KDM8: variants seen among roughly 807,000 people sequenced by gnomAD.
KDM8 encodes lysine demethylase 8, also known as bifunctional peptidase and arginyl-hydroxylase JMJD5.
Under a neutral mutation model 46.9 loss-of-function variants are expected in KDM8, and 35 were observed. The observed-to-expected ratio is 0.75, with a 90% CI of 0.57 to 0.99. KDM8 has a LOEUF of 0.99. KDM8 is among the 50% of genes least tolerant of loss of function. The pLI is 0.00. For missense variants in KDM8, 475 were observed against 537.0 expected, an observed-to-expected ratio of 0.88 and a Z score of 1.14; for synonymous variants, 232 against 227.7, an observed-to-expected ratio of 1.02 and a Z score of -0.17.
At chr16:27,215,133 G>A (rs977428704) in intron 4 of KDM8, 125 bp downstream of exon 4, 10 of 1,144,004 alleles carry the variant, frequency 8.7e-6, no homozygotes, top group Admixed American at 5.8e-5. Context: ...GTCTGTGGTC[G>A]GAGGGACGAC....
In KDM8 at chr16:27,218,983, T is replaced by A; in HGVS notation, c.866T>A (p.Ile289Asn). 2 of 1,614,052 alleles carry A rather than the reference T, an allele frequency of 1.2e-6. No homozygotes were observed. Among genetic ancestry groups the A allele is most frequent in the Non-Finnish European group, 1.7e-6 (2 of 1,179,998 alleles). The change falls in exon 6 of 8, where the codon ATC becomes AAC. Residue 289 changes from isoleucine (I) to asparagine (N), a missense_variant. By Grantham distance (149) the Ile-to-Asn change is moderately radical. Transcript: ENST00000286096. ...FDQIPELKQD[I>N]SIPDYCSLGD... ...CAGATCCCGGAGTTGAAGCAGGACATCAGCATCCCCGACTACTGCAGCCTG... is the reference window on the plus strand; with the variant it reads ...CAGATCCCGGAGTTGAAGCAGGACAACAGCATCCCCGACTACTGCAGCCTG...
Position 27,210,362 on chromosome 16 carries a change from A to T in KDM8, c.239A>T (p.Asn80Ile), listed in dbSNP as rs763315351. The T allele has an allele frequency of 6.2e-7, 1 of 1,613,402 alleles. No homozygotes were observed. Among genetic ancestry groups the T allele is most frequent in the Non-Finnish European group, 8.5e-7 (1 of 1,180,038 alleles). ...CTGGACTACTCCTGGGAGAAGCTCAACACGGGCACATGGCAGGACGTAGAC... is the reference window on the plus strand; with the variant it reads ...CTGGACTACTCCTGGGAGAAGCTCATCACGGGCACATGGCAGGACGTAGAC... ...VILDYSWEKL[N>I]TGTWQDVDKD... The change falls in exon 2 of 8, where the codon AAC becomes ATC. Residue 80 changes from asparagine to isoleucine, a missense_variant. Physicochemically the swap from Asn to Ile is moderately radical, Grantham distance 149. Transcript: ENST00000286096.
At chr16:27,216,232 G>A (rs2083550849) in intron 5 of KDM8, 10 of 568,858 alleles carry the variant, frequency 1.8e-5, no homozygotes, top group Admixed American at 8.9e-5. Context: ...AGCAGCTGTC[G>A]GAGCGGGTGG....
chr16:27,204,000 C>G (rs568497272), intron 1 of KDM8: 7 of 1,069,526 alleles, frequency 6.5e-6, no homozygotes, highest in Non-Finnish European at 9.5e-6. Flanking sequence ...GTTTTATACT[C>G]TGCTATATGT....
intron 1 of KDM8, among the ~76,000 whole-genome samples, chr16:27,207,229 G>A (rs750971979): frequency 1.4e-4 from 21 of 152,194 alleles, no homozygotes; most frequent in Non-Finnish European, 2.5e-4. Flanking sequence ...CCAACATGGC[G>A]AAACCCCGTC....
rs2083611535 is a variant in KDM8, at chr16:27,220,654, T to C, written c.1175T>C (p.Leu392Pro). ...TGCATCCTGTCTCCTGGAGAGATCC[T>C]GTTCATCCCGGTGAAATACTGGCAT... ...LSCILSPGEI[L>P]FIPVKYWHYV... Residue 392 changes from leucine to proline, a missense_variant, in exon 8 of 8, where the codon CTG (leucine) becomes CCG (proline). Coordinates refer to ENST00000286096, the MANE Select transcript of KDM8 (RefSeq NM_024773.3). 1 of 1,614,194 alleles carries C rather than the reference T, an allele frequency of 6.2e-7. No homozygotes were observed. The highest frequency in any genetic ancestry group is 8.5e-7 in the Non-Finnish European group (1 of 1,180,026).
chr16:27,204,500 A>G (rs1225244927), intron 1 of KDM8: 7 of 384,226 alleles, frequency 1.8e-5, no homozygotes, highest in Middle Eastern at 7.7e-4. Context: ...GAATACTGCC[A>G]TAATAACATT....
intron 2 of KDM8, 109 bp downstream of exon 2, chr16:27,210,730 C>T (rs1272412518): frequency 5.5e-6 from 6 of 1,092,794 alleles, no homozygotes; most frequent in Non-Finnish European, 7.6e-6. Flanking sequence ...CCTGCAACCC[C>T]TCTGGTGGAA....
intron 2 of KDM8, chr16:27,213,314 A>G (rs1596648653): frequency 2.8e-6 from 1 of 358,282 alleles, no homozygotes; most frequent in East Asian, 5.9e-5. Context: ...GAAGTTGGAG[A>G]TAGTAAGTTT....
chr16:27,212,182 A>G (rs2083491508), intron 2 of KDM8, among the ~76,000 whole-genome samples: 1 of 152,214 alleles, frequency 6.6e-6, no homozygotes, highest in Non-Finnish European at 1.5e-5. Context: ...ACAAGAAGGA[A>G]ATAGATCTGT....
rs1486045427 is a variant in KDM8 at position 27,210,435 on chromosome 16, G to A, written c.312G>A (p.Leu104=). ...VYAIGCLLKA[L]CLCQAPEDAN... ...CCATCGGCTGCCTCCTGAAAGCCCT[G>A]TGTCTGTGCCAGGCACCTGAGGATG... Residue 104 remains leucine (L), a synonymous_variant, in exon 2 of 8, where the codon CTG becomes CTA. Coordinates refer to ENST00000286096, the MANE Select transcript of KDM8 (RefSeq NM_024773.3). 1.9e-6 allele frequency: 3 copies of A among 1,603,892 alleles called. No individual in the cohort carries two copies. In the Admixed American group the frequency reaches 5.0e-5, roughly 27 times the overall value.
rs1465585710 is a variant in KDM8 at position 27,210,136 on chromosome 16, AC to A, written c.16del (p.His6ThrfsTer28). On this transcript the variant is annotated frameshift_variant, in exon 2 of 8. Transcript: ENST00000286096. LOFTEE classifies it high-confidence loss of function. ...TGGTGGTGGCCCGATGGCTGGAGAC[AC>A]CCACTGCCCCGCAGAGCCCCTGGCC... is the stretch of plus-strand genomic sequence containing the variant. MAGD[T>X]HCPAEPLARE... 1 of 1,612,386 alleles carries A rather than the reference AC, an allele frequency of 6.2e-7. No individual in the cohort carries two copies. The highest frequency in any genetic ancestry group is 1.1e-5 in the South Asian group (1 of 91,038).
At chr16:27,204,075 C>T in intron 1 of KDM8, 2 of 1,546,870 alleles carry the variant, frequency 1.3e-6, no homozygotes, top group Non-Finnish European at 1.7e-6. Context: ...GAAACGATTC[C>T]GCCGTCAGGT....
Position 27,221,697 on chromosome 16 carries a change from G to A in KDM8, c.*967G>A, listed in dbSNP as rs9788909. On this transcript the variant is annotated 3_prime_UTR_variant, in exon 8 of 8. Transcript: ENST00000286096. ...TGCACGCAGGTTTGTTTTATGTTTT[G>A]GCCATTAAGATTTTCCCCAGCCCTC... is the stretch of plus-strand genomic sequence containing the variant. The A allele has an allele frequency of 0.26, 39,941 of 152,122 alleles. 6,362 individuals carry two copies. Among genetic ancestry groups the A allele is most frequent in the East Asian group, 0.47 (2,406 of 5,164 alleles). The allele number at this position is 152,122 out of a possible 1,614,324, so 9.4% of individuals were successfully genotyped here. A position where few individuals can be genotyped will look rare whatever the true frequency, so the allele number is the denominator to read the frequency against.
At chr16:27,204,140 G>A (rs1354224855) in intron 1 of KDM8, 4 of 1,536,058 alleles carry the variant, frequency 2.6e-6, no homozygotes, top group Non-Finnish European at 3.5e-6. Context: ...AGGAGGGAAG[G>A]GGGTCTGAGG....
In KDM8 at chr16:27,216,526, G is replaced by A. The variant is rs147133095; in HGVS notation, c.843+537G>A. Among the ~76,000 whole-genome samples, 982 of 152,226 alleles carry A rather than the reference G, an allele frequency of 6.5e-3. 9 individuals are homozygous for A. Among genetic ancestry groups the A allele is most frequent in the African/African-American group, 0.023 (936 of 41,530 alleles). ...TGCGTGTCCCGAACGTGGAAGACTC[G>A]AGTCAGTCAGGGTCAGGGCTACAGC... On this transcript the variant is annotated intron_variant, in intron 5 of 7. Coordinates refer to ENST00000286096, the MANE Select transcript of KDM8 (RefSeq NM_024773.3).
intron 2 of KDM8, among the ~76,000 whole-genome samples, chr16:27,212,532 G>A (rs192867340): frequency 2.0e-5 from 3 of 152,268 alleles, no homozygotes; most frequent in East Asian, 1.9e-4. Context: ...TCAAGAGTTC[G>A]AGACCAGCCT....
intron 1 of KDM8, chr16:27,203,969 A>C: frequency 1.4e-6 from 1 of 704,134 alleles, no homozygotes; most frequent in Non-Finnish European, 2.3e-6. Context: ...GCGTTGGTGT[A>C]GGCCTAGTGC....
rs1310732043 is a variant in KDM8, at chr16:27,220,708, C to T, written c.1229C>T (p.Ser410Leu). 3.7e-6 allele frequency: 6 copies of T among 1,614,086 alleles called. No individual in the cohort carries two copies. The highest frequency in any genetic ancestry group is 2.2e-5 in the East Asian group (1 of 44,896). Residue 410 changes from serine (S) to leucine (L), a missense_variant, in exon 8 of 8, where the codon TCG becomes TTG. Transcript: ENST00000286096. The stretch of plus-strand genomic sequence containing the variant: ...GTGCGGGCTCTGGATTTGAGCTTCT[C>T]GGTCAGCTTCTGGTGGTCGTAGCCA... ...HYVRALDLSF[S>L]VSFWWS
Sources: gnomAD v4.1 joint callset for allele counts (sites outside exome capture counted in the v4.1 genomes callset) on GRCh38, gnomAD v4.1.1 for gene constraint, MANE v1.5 for transcripts, NCBI Gene and HGNC (gene_info 2026-07-23, HGNC 2026-07-21) for gene names.